LNP1: variants seen among roughly 807,000 people sequenced by gnomAD.
The protein encoded by LNP1 is leukemia NUP98 fusion partner 1.
Under a neutral mutation model 14.5 loss-of-function variants are expected in LNP1, and 12 were observed. The ratio of observed to expected loss-of-function variants is 0.83; its 90% confidence interval spans 0.53 to 1.34. The LOEUF (loss-of-function observed/expected upper bound fraction) is 1.34, where lower values mean the gene tolerates loss of function less well. Ranked by LOEUF, LNP1 falls within the 40% of genes most tolerant of loss-of-function variation. The pLI is 0.00. For synonymous variants in LNP1, 75 were observed against 71.4 expected (o/e 1.05, Z -0.26); for missense variants, 198 against 210.9 (o/e 0.94, Z 0.38).
chr3:100,450,629 G>A (rs1395326217), intron 2 of LNP1, among the ~76,000 whole-genome samples: 1 of 152,114 alleles, frequency 6.6e-6, no homozygotes, highest in Non-Finnish European at 1.5e-5. Flanking sequence ...GAGCCACCAC[G>A]CCTGGCCTGG....
At chr3:100,437,448 G>T (rs1236596844) in intron 2 of LNP1, among the ~76,000 whole-genome samples, 1 of 151,900 alleles carries the variant, frequency 6.6e-6, no homozygotes, top group Non-Finnish European at 1.5e-5. Context: ...GACCAAGCAG[G>T]GTCTGTTCAT....
chr3:100,430,845 T>C lies in LNP1; in HGVS notation c.156+960T>C, dbSNP rs575534671. Among the ~76,000 whole-genome samples the C allele has an allele frequency of 2.9e-4, 44 of 152,320 alleles. No individual in the cohort carries two copies. The Middle Eastern group carries it at 0.02, about 71-fold the overall frequency. ...AGCAAGTTTGAGGAAAGAGAATTCT[T>C]TGAGACACAAATATTTCAAAATATA... On this transcript the variant is annotated intron_variant, in intron 2 of 3. Coordinates refer to ENST00000383693, the MANE Select transcript of LNP1 (RefSeq NM_001085451.2).
intron 1 of LNP1, among the ~76,000 whole-genome samples, chr3:100,424,727 C>G (rs1160748192): frequency 1.3e-5 from 2 of 152,212 alleles, no homozygotes. Context: ...CAGAAGCCAG[C>G]TAAGGGCTAA....
intron 1 of LNP1, among the ~76,000 whole-genome samples, chr3:100,403,870 G>A (rs1706938354): frequency 6.6e-6 from 1 of 152,204 alleles, no homozygotes; most frequent in Non-Finnish European, 1.5e-5. Context: ...TTAAAATGAT[G>A]TAATTCTGTC....
chr3:100,438,566 A>T (rs1299990538), intron 2 of LNP1, among the ~76,000 whole-genome samples: 2 of 152,164 alleles, frequency 1.3e-5, no homozygotes, highest in African/African-American at 4.8e-5. Flanking sequence ...CGCACCTACC[A>T]TTATAGTGGC....
chr3:100,403,685 T>A (rs1238468661), intron 1 of LNP1, among the ~76,000 whole-genome samples: 1 of 152,182 alleles, frequency 6.6e-6, no homozygotes, highest in Non-Finnish European at 1.5e-5. Context: ...GTGATCTACC[T>A]GCCTCGGCCT....
chr3:100,429,988 T>G, intron 2 of LNP1, 103 bp downstream of exon 2: 1 of 1,200,778 alleles, frequency 8.3e-7, no homozygotes, highest in East Asian at 2.4e-5. Flanking sequence ...TTTCTTTGGT[T>G]TAAAACCAGT....
intron 3 of LNP1, among the ~76,000 whole-genome samples, chr3:100,453,514 C>T (rs535473151): frequency 2.0e-5 from 3 of 148,122 alleles, no homozygotes; most frequent in Admixed American, 6.8e-5. Flanking sequence ...CTCTTGTGCT[C>T]GAGTTTGAGA....
In LNP1 at chr3:100,455,875, AGAG is replaced by A. The variant is rs1464616905; in HGVS notation, c.487_489del (p.Glu163del). On this transcript the variant is annotated inframe_deletion, in exon 4 of 4. Coordinates refer to ENST00000383693, the MANE Select transcript of LNP1 (RefSeq NM_001085451.2). The stretch of plus-strand genomic sequence containing the variant: ...AGGAAGAAAGGAGCTCTAGGAAAGA[AGAG>A]CATGGAGAAGCACACATGGCTCCCC... The A allele has an allele frequency of 1.9e-6, 3 of 1,614,014 alleles. No individual in the cohort carries two copies. Among genetic ancestry groups the A allele is most frequent in the East Asian group, 2.2e-5 (1 of 44,898 alleles).
At position 100,451,838 on chromosome 3, in the gene LNP1, G is replaced by A. The variant is rs1196285039; in HGVS notation, c.276G>A (p.Gly92=). 3 of 1,226,552 alleles carry A rather than the reference G, an allele frequency of 2.4e-6. No homozygotes were observed. The highest frequency in any genetic ancestry group is 2.5e-4 in the Middle Eastern group (1 of 4,068). 76.0% of individuals were successfully genotyped at this position (1,226,552 alleles called of 1,614,324 possible). A position where few individuals can be genotyped will look rare whatever the true frequency, so the allele number is the denominator to read the frequency against. ...ATTACAGAAAATACTCAGAGGATGGGTCATTCAAGGAGCCACTGGAATCAA... is the reference window on the plus strand; with the variant it reads ...ATTACAGAAAATACTCAGAGGATGGATCATTCAAGGAGCCACTGGAATCAA... ...VRDYRKYSED[G]SFKEPLESKG... Residue 92 remains glycine, a synonymous_variant, in exon 3 of 4, where the codon GGG becomes GGA. Coordinates refer to ENST00000383693, the MANE Select transcript of LNP1 (RefSeq NM_001085451.2).
chr3:100,445,873 C>G (rs184877839), intron 2 of LNP1, among the ~76,000 whole-genome samples: 69 of 152,168 alleles, frequency 4.5e-4, no homozygotes, highest in Non-Finnish European at 7.8e-4. Flanking sequence ...AATAAAATAC[C>G]TAGGAATCCA....
intron 2 of LNP1, among the ~76,000 whole-genome samples, chr3:100,442,466 A>T (rs1026977281): frequency 6.6e-6 from 1 of 152,200 alleles, no homozygotes; most frequent in African/African-American, 2.4e-5. Context: ...ATCAATCAAC[A>T]TTGCAATATG....
At chr3:100,422,939 T>C (rs1707158881) in intron 1 of LNP1, among the ~76,000 whole-genome samples, 1 of 151,496 alleles carries the variant, frequency 6.6e-6, no homozygotes. Flanking sequence ...TTAGGACACT[T>C]GGTTAAAAAA....
At chr3:100,444,689 AT>A in intron 2 of LNP1, among the ~76,000 whole-genome samples, 1 of 152,186 alleles carries the variant, frequency 6.6e-6, no homozygotes, top group East Asian at 1.9e-4. Context: ...AACTCAAAGG[AT>A]TTTTTTAAAA....
chr3:100,436,324 C>T (rs559791484), intron 2 of LNP1, among the ~76,000 whole-genome samples: 5 of 152,186 alleles, frequency 3.3e-5, no homozygotes, highest in East Asian at 3.9e-4. Flanking sequence ...GGGAGTACAA[C>T]GAGGTGCATC....
At chr3:100,448,713 G>A (rs373548227) in intron 2 of LNP1, among the ~76,000 whole-genome samples, 1 of 152,050 alleles carries the variant, frequency 6.6e-6, no homozygotes, top group Admixed American at 6.6e-5. Context: ...TCCTGATAAA[G>A]TATTTGATTC....
intron 3 of LNP1, among the ~76,000 whole-genome samples, chr3:100,455,223 C>A (rs1372521179): frequency 6.6e-6 from 1 of 152,174 alleles, no homozygotes; most frequent in Non-Finnish European, 1.5e-5. Context: ...AGTGTTATAT[C>A]TCCTGATCCT....
chr3:100,413,743 G>A (rs1235583949), intron 1 of LNP1, among the ~76,000 whole-genome samples: 4 of 152,212 alleles, frequency 2.6e-5, no homozygotes, highest in Non-Finnish European at 4.4e-5. Flanking sequence ...CTTCTGTCAG[G>A]CTGGGTCTGC....
intron 1 of LNP1, among the ~76,000 whole-genome samples, chr3:100,409,870 C>T (rs1288325911): frequency 6.6e-6 from 1 of 151,726 alleles, no homozygotes; most frequent in African/African-American, 2.4e-5. Context: ...GCTAGGATTA[C>T]AGGCGTGAGC....
Sources: allele counts gnomAD v4.1 joint callset (sites outside exome capture counted in the v4.1 genomes callset), GRCh38; gene constraint gnomAD v4.1.1; transcripts MANE v1.5; gene names NCBI Gene and HGNC (gene_info 2026-07-23, HGNC 2026-07-21).